The following GABRG1 variants were observed in gnomAD, a reference collection of about 807,000 sequenced individuals.
GABRG1 encodes gamma-aminobutyric acid type A receptor subunit gamma1, also known as gamma-aminobutyric acid receptor subunit gamma-1.
GABRG1 carries 49 observed loss-of-function variants against 49.8 expected under a neutral mutation model. That is an observed-to-expected ratio of 0.98 (90% CI 0.78 to 1.25). The LOEUF (loss-of-function observed/expected upper bound fraction) is 1.25, where lower values mean the gene tolerates loss of function less well. Among genes scored for constraint, GABRG1 ranks in the 50% most tolerant of loss-of-function variants. GABRG1 has a pLI of 0.00. For missense variants in GABRG1, 552 were observed against 552.3 expected (o/e 1.00, Z 0.01); for synonymous variants, 232 against 185.1 (o/e 1.25, Z -2.06).
intron 8 of GABRG1, among the ~76,000 whole-genome samples, chr4:46,047,108 T>C (rs1280198372): frequency 6.6e-6 from 1 of 152,112 alleles, no homozygotes; most frequent in African/African-American, 2.4e-5. Context: ...TAGCCGTAAG[T>C]CACATGTGGC....
In GABRG1 at chr4:46,082,546, T is replaced by C. The variant is rs141768019; in HGVS notation, c.321+1440A>G. Among the ~76,000 whole-genome samples, 152 of 151,938 alleles carry C rather than the reference T, an allele frequency of 1.0e-3. 1 individual carries two copies. Among genetic ancestry groups the C allele is most frequent in the Admixed American group, 3.5e-3 (53 of 15,168 alleles). On this transcript the variant is annotated intron_variant, in intron 3 of 8. Coordinates refer to ENST00000295452, the MANE Select transcript of GABRG1 (RefSeq NM_173536.4). ...TTGGACATGAGATCAATTTTGAAGA[T>C]GAAGGAGGGATATGCAATCCAGCTG...
At chr4:46,114,009 T>C (rs1392845297) in intron 1 of GABRG1, among the ~76,000 whole-genome samples, 1 of 151,016 alleles carries the variant, frequency 6.6e-6, no homozygotes, top group East Asian at 2.0e-4. Context: ...TTTCAAAGGG[T>C]AGGAAAAATC....
intron 8 of GABRG1, among the ~76,000 whole-genome samples, chr4:46,045,850 C>T (rs896519408): frequency 2.6e-5 from 4 of 151,788 alleles, no homozygotes; most frequent in African/African-American, 7.3e-5. Context: ...CAGGAGTGAG[C>T]CAATACACCA....
In GABRG1 at chr4:46,058,606, A is replaced by T. The variant is rs1718547688; in HGVS notation, c.642T>A (p.Asn214Lys). ...LEFSSYGYPK[N>K]EIEYKWKKPS... is the part of the protein sequence containing the mutation. ...GCTTTTTCCACTTATACTCAATTTCATTTTTAGGGTATCCATCTATAGAGA... is the reference window on the plus strand; with the variant it reads ...GCTTTTTCCACTTATACTCAATTTCTTTTTTAGGGTATCCATCTATAGAGA... The change falls in exon 6 of 9, where the codon AAT becomes AAA. Residue 214 changes from asparagine to lysine, a missense_variant. By Grantham distance (94) the Asn-to-Lys change is moderately conservative (BLOSUM62 0). Transcript: ENST00000295452. The T allele has an allele frequency of 1.2e-6, 2 of 1,612,136 alleles. No individual in the cohort carries two copies. Among genetic ancestry groups the T allele is most frequent in the Middle Eastern group, 3.3e-4 (2 of 6,042 alleles).
intron 2 of GABRG1, among the ~76,000 whole-genome samples, chr4:46,092,838 G>A (rs1016975580): frequency 6.0e-5 from 9 of 149,706 alleles, no homozygotes; most frequent in Non-Finnish European, 1.0e-4. Flanking sequence ...GAGGTGGGTG[G>A]GTCACCTGAG....
chr4:46,107,337 T>C (rs1720583296), intron 1 of GABRG1, among the ~76,000 whole-genome samples: 1 of 151,298 alleles, frequency 6.6e-6, no homozygotes, highest in South Asian at 2.1e-4. Flanking sequence ...CCTAAGGTAA[T>C]ACCTTATAAT....
chr4:46,101,700 T>C (rs1458265129), intron 1 of GABRG1, among the ~76,000 whole-genome samples: 1 of 151,716 alleles, frequency 6.6e-6, no homozygotes. Flanking sequence ...TTAAGATGCT[T>C]ATCACGGTAT....
At chr4:46,107,646 T>C (rs185303422) in intron 1 of GABRG1, among the ~76,000 whole-genome samples, 4 of 151,234 alleles carry the variant, frequency 2.6e-5, no homozygotes, top group East Asian at 3.9e-4. Context: ...TAAATAGAAA[T>C]GATGATTCTC....
At chr4:46,117,462 C>T (rs1406794117) in intron 1 of GABRG1, among the ~76,000 whole-genome samples, 1 of 149,638 alleles carries the variant, frequency 6.7e-6, no homozygotes, top group Admixed American at 6.7e-5. Context: ...AGTAAAGGTT[C>T]ACCTAAAATA....
chr4:46,106,282 C>T (rs1042280861), intron 1 of GABRG1, among the ~76,000 whole-genome samples: 10 of 151,374 alleles, frequency 6.6e-5, no homozygotes, highest in African/African-American at 2.4e-4. Flanking sequence ...TTTCTGTCAC[C>T]AAGACTGCCC....
In GABRG1 at chr4:46,074,219, C is replaced by T. The variant is rs568510458; in HGVS notation, c.322-8635G>A. The stretch of plus-strand genomic sequence containing the variant: ...AAAAGTGTTTCTACATCTGTGACTG[C>T]CCTGTACTAAAAATATTTTCTTGAT... On this transcript the variant is annotated intron_variant, in intron 3 of 8. Coordinates refer to ENST00000295452, the MANE Select transcript of GABRG1 (RefSeq NM_173536.4). Among the ~76,000 whole-genome samples the T allele has an allele frequency of 3.3e-5, 5 of 152,200 alleles. No individual in the cohort carries two copies. The South Asian group carries it at 1.0e-3, about 32-fold the overall frequency.
chr4:46,041,404 T>G (rs1301633764), intron 8 of GABRG1, 150 bp from the exon 9 acceptor site: 1 of 685,538 alleles, frequency 1.5e-6, no homozygotes, highest in Non-Finnish European at 2.3e-6. Flanking sequence ...ATAACATGTT[T>G]TATATTATAA....
Position 46,051,520 on chromosome 4 carries a change from A to G in GABRG1, c.1035T>C (p.Phe345=). ...LFVSVCFIFV[F]AALMEYGTLH... is the part of the protein sequence containing the mutation. ...AGGTTCCATATTCCATCAAGGCTGC[A>G]AAAACAAAAATGAAACAAACAGAAA... is the stretch of plus-strand genomic sequence containing the variant. Residue 345 remains phenylalanine, a synonymous_variant, in exon 8 of 9, where the codon TTT becomes TTC. Coordinates refer to ENST00000295452, the MANE Select transcript of GABRG1 (RefSeq NM_173536.4). 1 of 1,611,766 alleles carries G rather than the reference A, an allele frequency of 6.2e-7. No individual in the cohort carries two copies. Among genetic ancestry groups the G allele is most frequent in the East Asian group, 2.2e-5 (1 of 44,742 alleles).
Position 46,064,588 on chromosome 4 carries a change from T to G in GABRG1, c.543-65A>C, listed in dbSNP as rs79966175. On this transcript the variant is annotated intron_variant, in intron 4 of 8. Transcript: ENST00000295452. Reference sequence around the variant, plus strand: ...AATTTGAAGCATTAAAAATCTCCTGTCTCATTTTAAAACAAGATTTTGTCA... The same window carrying G: ...AATTTGAAGCATTAAAAATCTCCTGGCTCATTTTAAAACAAGATTTTGTCA... 2,591 of 797,090 alleles carry G rather than the reference T, an allele frequency of 3.3e-3. 49 individuals carry two copies. The African/African-American group carries it at 0.042, about 13-fold the overall frequency. 49.4% of individuals were successfully genotyped at this position (797,090 alleles called of 1,614,324 possible). A position where few individuals can be genotyped will look rare whatever the true frequency, so the allele number is the denominator to read the frequency against.
intron 3 of GABRG1, among the ~76,000 whole-genome samples, chr4:46,080,906 T>C (rs1217666228): frequency 3.9e-5 from 6 of 152,026 alleles, no homozygotes; most frequent in Non-Finnish European, 7.4e-5. Flanking sequence ...AGCAATGTAC[T>C]ACTTTATGAA....
intron 8 of GABRG1, among the ~76,000 whole-genome samples, chr4:46,048,605 AGGAAGGAGAAG>A (rs1560348454): frequency 6.7e-6 from 1 of 150,120 alleles, no homozygotes; most frequent in African/African-American, 2.4e-5. Flanking sequence ...GAAGGAAGGA[AGGAAGGAGAAG>A]GGAAGGGAAG....
At chr4:46,082,473 T>C (rs1168627388) in intron 3 of GABRG1, among the ~76,000 whole-genome samples, 1 of 151,774 alleles carries the variant, frequency 6.6e-6, no homozygotes, top group African/African-American at 2.4e-5. Context: ...ACTACATCAC[T>C]ATCCCTGCAG....
intron 3 of GABRG1, among the ~76,000 whole-genome samples, chr4:46,074,052 T>C (rs141513751): frequency 2.6e-5 from 4 of 152,254 alleles, no homozygotes; most frequent in African/African-American, 2.4e-5. Context: ...TGACAAATGA[T>C]TGATATTCAG....
At chr4:46,122,974 T>G (rs1721133820) in intron 1 of GABRG1, among the ~76,000 whole-genome samples, 1 of 152,064 alleles carries the variant, frequency 6.6e-6, no homozygotes, top group Non-Finnish European at 1.5e-5. Flanking sequence ...GAGCATTTTA[T>G]ATGTCTACCA....
Sources: gnomAD v4.1 joint callset for allele counts (sites outside exome capture counted in the v4.1 genomes callset) on GRCh38, gnomAD v4.1.1 for gene constraint, MANE v1.5 for transcripts, NCBI Gene and HGNC (gene_info 2026-07-23, HGNC 2026-07-21) for gene names.